UBL7: variants seen among roughly 807,000 people sequenced by gnomAD.
UBL7 encodes the protein ubiquitin-like protein 7.
In UBL7, 21 loss-of-function variants were observed where a neutral mutation model predicts 41.7. That is an observed-to-expected ratio of 0.50 (90% CI 0.36 to 0.73). The LOEUF (loss-of-function observed/expected upper bound fraction) is 0.73. Ranked by LOEUF, UBL7 falls within the 30% of genes least tolerant of loss-of-function variation. The pLI is 0.00. For synonymous variants in UBL7, 157 were observed against 186.9 expected (o/e 0.84, Z 1.31); for missense variants, 403 against 478.4 (o/e 0.84, Z 1.47).
chr15:74,461,053 GC>G lies in UBL7; in HGVS notation c.-47del. The G allele has an allele frequency of 3.9e-6, 4 of 1,036,574 alleles. No homozygotes were observed. The highest frequency in any genetic ancestry group is 4.7e-6 in the Non-Finnish European group (4 of 858,278). The allele number at this position is 1,036,574 out of a possible 1,614,324, so 64.2% of individuals were successfully genotyped here. A position where few individuals can be genotyped will look rare whatever the true frequency, so the allele number is the denominator to read the frequency against. ...CGACCTCACCGCTCCAGTGGGACCA[GC>G]TACTTGGCTGACACACATCGAGCCC... On this transcript the variant is annotated 5_prime_UTR_variant, in exon 1 of 11. Coordinates refer to ENST00000395081, the MANE Select transcript of UBL7 (RefSeq NM_032907.5).
rs973182792 is a variant in UBL7, at chr15:74,456,680, A to G, written c.185-9T>C. The G allele has an allele frequency of 6.2e-7, 1 of 1,609,574 alleles. No homozygotes were observed. The highest frequency in any genetic ancestry group is 8.5e-7 in the Non-Finnish European group (1 of 1,176,830). On this transcript the variant is annotated splice_polypyrimidine_tract_variant and intron_variant, in intron 2 of 10. Coordinates refer to ENST00000395081, the MANE Select transcript of UBL7 (RefSeq NM_032907.5). ...ACCACAGTAGATCAGATCTAAAAAA[A>G]GAACTGTCCACTTATATTTTGCTCC... is the stretch of plus-strand genomic sequence containing the variant.
rs2061238753 is a variant in UBL7, at chr15:74,450,873, G to C, written c.473-14C>G. 1 of 1,612,966 alleles carries C rather than the reference G, an allele frequency of 6.2e-7. No homozygotes were observed. Among genetic ancestry groups the C allele is most frequent in the Non-Finnish European group, 8.5e-7 (1 of 1,179,626 alleles). The stretch of plus-strand genomic sequence containing the variant: ...CCTGGAGAACCCCTGAAAAAGAGCA[G>C]AGCTCACCTCAAAGAAAGGAAATCA... On this transcript the variant is annotated splice_polypyrimidine_tract_variant and intron_variant, in intron 5 of 10. Coordinates refer to ENST00000395081, the MANE Select transcript of UBL7 (RefSeq NM_032907.5).
chr15:74,450,115 AC>A lies in UBL7; in HGVS notation c.531-47del, dbSNP rs760493556. The A allele has an allele frequency of 1.9e-6, 3 of 1,551,786 alleles. No individual in the cohort carries two copies. The African/African-American group carries it at 4.1e-5, about 21-fold the overall frequency. On this transcript the variant is annotated intron_variant, in intron 6 of 10. Transcript: ENST00000395081. ...AACCCAAGGGTGACTCCAAAAGAGC[AC>A]CCTCAGCCATAACAGGAGTTCTGGG...
intron 3 of UBL7, among the ~76,000 whole-genome samples, chr15:74,454,383 T>G (rs2061275641): frequency 6.6e-6 from 1 of 151,886 alleles, no homozygotes; most frequent in Non-Finnish European, 1.5e-5. Context: ...GCTGTCTCAG[T>G]AAGAGGATAT....
At chr15:74,452,813 G>A (rs2061262570) in intron 3 of UBL7, among the ~76,000 whole-genome samples, 1 of 152,146 alleles carries the variant, frequency 6.6e-6, no homozygotes, top group South Asian at 2.1e-4. Context: ...CCTGGTTGAA[G>A]CAACTCTCGT....
At position 74,448,525 on chromosome 15, in the gene UBL7, G is replaced by A; in HGVS notation, c.958C>T (p.Gln320Ter). ...GTPITNDLFS[Q>*]ALQHALQASG... Reference sequence around the variant, plus strand: ...GCCTGAAGGGCATGCTGTAGGGCTTGGCTGAAGAGATCATTGGTGATGGGC... The same window carrying A: ...GCCTGAAGGGCATGCTGTAGGGCTTAGCTGAAGAGATCATTGGTGATGGGC... Residue 320 changes from glutamine to a stop codon, truncating the protein, a stop_gained, in exon 10 of 11, where the codon CAA becomes TAA. Transcript: ENST00000395081. LOFTEE classifies it high-confidence loss of function. 2 of 1,614,182 alleles carry A rather than the reference G, an allele frequency of 1.2e-6. No homozygotes were observed. The highest frequency in any genetic ancestry group is 1.7e-6 in the Non-Finnish European group (2 of 1,179,994).
chr15:74,448,636 G>A (rs773418768), intron 9 of UBL7, 36 bp from the exon 10 acceptor site: 37 of 1,611,112 alleles, frequency 2.3e-5, no homozygotes, highest in African/African-American at 2.1e-4. Flanking sequence ...CACCCTCAGC[G>A]CCATCTCAAT....
chr15:74,459,362 G>C (rs1258505959), intron 1 of UBL7, among the ~76,000 whole-genome samples: 1 of 149,676 alleles, frequency 6.7e-6, no homozygotes, highest in Non-Finnish European at 1.5e-5. Flanking sequence ...GTGCAGCGGC[G>C]CGATCTCGGC....
chr15:74,460,440 G>A (rs1294979214), intron 1 of UBL7, among the ~76,000 whole-genome samples: 1 of 152,022 alleles, frequency 6.6e-6, no homozygotes, highest in Non-Finnish European at 1.5e-5. Context: ...TTACACCTCT[G>A]CTCATCTAAC....
chr15:74,458,651 G>C (rs771639721), intron 2 of UBL7, 33 bp downstream of exon 2: 1 of 1,584,062 alleles, frequency 6.3e-7, no homozygotes, highest in East Asian at 2.3e-5. Flanking sequence ...AGAGATCAGA[G>C]CAGCAGCCCA....
chr15:74,450,165 A>G, intron 6 of UBL7, 96 bp from the exon 7 acceptor site: 1 of 1,382,344 alleles, frequency 7.2e-7, no homozygotes, highest in Non-Finnish European at 9.6e-7. Flanking sequence ...CAATGCAGCC[A>G]CCTGTGCCTG....
At chr15:74,457,437 G>A (rs1040461386) in intron 2 of UBL7, among the ~76,000 whole-genome samples, 5 of 152,176 alleles carry the variant, frequency 3.3e-5, no homozygotes, top group African/African-American at 1.2e-4. Flanking sequence ...CTGCTACTCA[G>A]GAGGCTGAAG....
chr15:74,448,722 G>T, intron 9 of UBL7, 122 bp from the exon 10 acceptor site: 1 of 1,376,120 alleles, frequency 7.3e-7, no homozygotes, highest in African/African-American at 1.4e-5. Flanking sequence ...TCCCAACAAA[G>T]ACCTGCCATA....
At chr15:74,459,929 T>C (rs2061332288) in intron 1 of UBL7, among the ~76,000 whole-genome samples, 1 of 68,394 alleles carries the variant, frequency 1.5e-5, no homozygotes, top group Non-Finnish European at 2.4e-5. Flanking sequence ...AGAGACTCTG[T>C]CGCAAAAAAA....
chr15:74,452,491 T>TCCCTC, intron 3 of UBL7, 113 bp from the exon 4 acceptor site: 1 of 1,026,630 alleles, frequency 9.7e-7, no homozygotes, highest in Non-Finnish European at 1.5e-6. Context: ...TGCATTCCCT[T>TCCCTC]CCCTCATCAC....
chr15:74,449,402 C>A (rs1268748550), intron 8 of UBL7, 49 bp from the exon 9 acceptor site: 1 of 1,602,270 alleles, frequency 6.2e-7, no homozygotes, highest in Non-Finnish European at 8.5e-7. Context: ...TGTGAAACTC[C>A]CAGATGAACT....
intron 8 of UBL7, 130 bp downstream of exon 8, chr15:74,449,496 A>G (rs886284571): frequency 1.3e-6 from 2 of 1,550,246 alleles, no homozygotes; most frequent in Non-Finnish European, 1.8e-6. Flanking sequence ...ATAGTATGAC[A>G]TGGTCTTGGC....
intron 2 of UBL7, 118 bp from the exon 3 acceptor site, chr15:74,456,789 T>G (rs2061299271): frequency 1.1e-5 from 13 of 1,204,086 alleles, no homozygotes; most frequent in Non-Finnish European, 1.5e-5. Context: ...TAAAAGATAC[T>G]CTTATTCAAT....
chr15:74,450,995 G>T, intron 5 of UBL7, 136 bp from the exon 6 acceptor site: 1 of 889,498 alleles, frequency 1.1e-6, no homozygotes. Flanking sequence ...AGTAGAGGAA[G>T]CAAAGCGCCA....
Sources: allele counts gnomAD v4.1 joint callset (sites outside exome capture counted in the v4.1 genomes callset), GRCh38; gene constraint gnomAD v4.1.1; transcripts MANE v1.5; gene names NCBI Gene and HGNC (gene_info 2026-07-23, HGNC 2026-07-21).